Variants in EML4 observed in about 807,000 individuals in gnomAD.
EML4 encodes the protein EMAP like 4.
Under a neutral mutation model 129.0 loss-of-function variants are expected in EML4, and 72 were observed. The observed-to-expected ratio is 0.56, with a 90% CI of 0.46 to 0.68. The LOEUF (loss-of-function observed/expected upper bound fraction) is 0.68, where lower values mean the gene tolerates loss of function less well. Ranked by LOEUF, EML4 falls within the 30% of genes least tolerant of loss-of-function variation. The pLI, the probability that EML4 is intolerant of heterozygous loss-of-function variation, is 0.00. For missense variants in EML4, 1,363 were observed against 1,190.6 expected (o/e 1.14, Z -2.13); for synonymous variants, 532 against 405.0 (o/e 1.31, Z -3.77).
intron 1 of EML4, among the ~76,000 whole-genome samples, chr2:42,197,342 G>A (rs1268368152): frequency 6.6e-6 from 1 of 152,006 alleles, no homozygotes; most frequent in African/African-American, 2.4e-5. Flanking sequence ...GGGTTTACAC[G>A]CATGAGCCAC....
At chr2:42,240,591 T>C (rs1674960752) in intron 1 of EML4, among the ~76,000 whole-genome samples, 1 of 152,250 alleles carries the variant, frequency 6.6e-6, no homozygotes, top group African/African-American at 2.4e-5. Flanking sequence ...TCTGTTATTT[T>C]AAATTATTCC....
intron 1 of EML4, among the ~76,000 whole-genome samples, chr2:42,203,402 A>C (rs866752064): frequency 5.3e-5 from 8 of 152,154 alleles, no homozygotes; most frequent in African/African-American, 1.4e-4. Flanking sequence ...TCTATGATAG[A>C]GTTTTTCTGA....
intron 6 of EML4, among the ~76,000 whole-genome samples, chr2:42,272,688 T>A (rs959313868): frequency 3.3e-5 from 5 of 152,314 alleles, no homozygotes; most frequent in Middle Eastern, 3.4e-3. Flanking sequence ...TAGATTTTTT[T>A]TAAAAAGTAT....
At chr2:42,208,623 C>T (rs150970285) in intron 1 of EML4, among the ~76,000 whole-genome samples, 1,570 of 151,754 alleles carry the variant, frequency 0.01, 29 homozygotes, top group African/African-American at 0.035. Context: ...TTAGTAGAGA[C>T]GGGGTTTCAC....
At chr2:42,169,825 T>C in intron 1 of EML4, 189 bp downstream of exon 1, 2 of 528,846 alleles carry the variant, frequency 3.8e-6, no homozygotes, top group Admixed American at 4.0e-5. Flanking sequence ...CATGTCCAAC[T>C]CTCCTCTGTG....
chr2:42,245,823 T>C, intron 2 of EML4, 136 bp downstream of exon 2: 1 of 815,276 alleles, frequency 1.2e-6, no homozygotes, highest in Non-Finnish European at 1.8e-6. Flanking sequence ...GTTTTTTTAA[T>C]TCCCAAAAAG....
At chr2:42,179,202 A>C (rs894662552) in intron 1 of EML4, among the ~76,000 whole-genome samples, 6 of 151,800 alleles carry the variant, frequency 4.0e-5, no homozygotes, top group African/African-American at 7.3e-5. Flanking sequence ...GAATCTAATC[A>C]TGAGGAAATT....
chr2:42,224,221 C>G (rs983920379), intron 1 of EML4, among the ~76,000 whole-genome samples: 1 of 151,978 alleles, frequency 6.6e-6, no homozygotes, highest in African/African-American at 2.4e-5. Context: ...TCTCCCAATC[C>G]CTATAGTTTT....
intron 1 of EML4, among the ~76,000 whole-genome samples, chr2:42,221,956 G>A (rs956832090): frequency 6.6e-6 from 1 of 151,786 alleles, no homozygotes; most frequent in Non-Finnish European, 1.5e-5. Flanking sequence ...GGGTGGTCTC[G>A]AACTCCTGGG....
At position 42,290,524 on chromosome 2, in the gene EML4, C is replaced by T. The variant is rs367989440; in HGVS notation, c.1218+2202C>T. Among the ~76,000 whole-genome samples, 1,309 of 148,486 alleles carry T rather than the reference C, an allele frequency of 8.8e-3. 19 individuals are homozygous for T. The highest frequency in any genetic ancestry group is 0.043 in the South Asian group (204 of 4,724). On this transcript the variant is annotated intron_variant, in intron 11 of 22. Coordinates refer to ENST00000318522, the MANE Select transcript of EML4 (RefSeq NM_019063.5). ...GGAGGATCACTTGAGTCCAGGAGTT[C>T]GAGACCAGCCTGGGCAAACATAATG... is the stretch of plus-strand genomic sequence containing the variant.
chr2:42,170,323 C>G (rs892924334), intron 1 of EML4: 2 of 152,250 alleles, frequency 1.3e-5, no homozygotes, highest in African/African-American at 2.4e-5. Flanking sequence ...TGTTGGGGGA[C>G]CCTCTTTAAG....
Position 42,280,758 on chromosome 2 carries a change from G to A in EML4, c.668-92G>A, listed in dbSNP as rs1221721678. The stretch of plus-strand genomic sequence containing the variant: ...CTAAAACTTTGAAGTAGTCATTTTT[G>A]TCTTGTTTTTATTGTATCACGTTAA... On this transcript the variant is annotated intron_variant, in intron 6 of 22. Coordinates refer to ENST00000318522, the MANE Select transcript of EML4 (RefSeq NM_019063.5). The A allele has an allele frequency of 3.2e-6, 3 of 951,864 alleles. No individual in the cohort carries two copies. In the East Asian group the frequency reaches 7.9e-5, roughly 25 times the overall value. 59.0% of individuals were successfully genotyped at this position (951,864 alleles called of 1,614,324 possible).
At chr2:42,219,182 C>G (rs982460836) in intron 1 of EML4, among the ~76,000 whole-genome samples, 11 of 152,128 alleles carry the variant, frequency 7.2e-5, no homozygotes, top group African/African-American at 2.7e-4. Flanking sequence ...AAGGAAGAGC[C>G]CCCTTCATAA....
intron 4 of EML4, among the ~76,000 whole-genome samples, chr2:42,262,248 C>T (rs973419516): frequency 6.6e-6 from 1 of 152,118 alleles, no homozygotes; most frequent in African/African-American, 2.4e-5. Context: ...TTCACTTGAT[C>T]GATGCATGTT....
intron 1 of EML4, among the ~76,000 whole-genome samples, chr2:42,225,290 A>G (rs1673883549): frequency 6.6e-6 from 1 of 152,140 alleles, no homozygotes; most frequent in African/African-American, 2.4e-5. Flanking sequence ...TTGCTTTGTC[A>G]TATGGTAATC....
At chr2:42,286,234 C>G (rs759677066) in intron 9 of EML4, 35 bp from the exon 10 acceptor site, 1 of 1,197,680 alleles carries the variant, frequency 8.3e-7, no homozygotes, top group South Asian at 1.2e-5. Flanking sequence ...TTGCATCCAC[C>G]TGTCCAGTTG....
chr2:42,288,221 C>T lies in EML4; in HGVS notation c.1123-6C>T. On this transcript the variant is annotated splice_polypyrimidine_tract_variant and splice_region_variant and intron_variant, in intron 10 of 22. Transcript: ENST00000318522. ...TTTAAAATGCCTCTGATTGACTTTT[C>T]TTTAGGATTCAGGTGTTCATTTATG... is the stretch of plus-strand genomic sequence containing the variant. The T allele has an allele frequency of 7.8e-7, 1 of 1,287,066 alleles. No homozygotes were observed. The highest frequency in any genetic ancestry group is 2.5e-5 in the East Asian group (1 of 40,264). 79.7% of individuals were successfully genotyped at this position (1,287,066 alleles called of 1,614,324 possible).
At chr2:42,181,900 C>T (rs1482841526) in intron 1 of EML4, among the ~76,000 whole-genome samples, 2 of 152,046 alleles carry the variant, frequency 1.3e-5, no homozygotes, top group East Asian at 1.9e-4. Context: ...CTGGAGTCCT[C>T]GTCACAGTAG....
chr2:42,233,992 C>T (rs1030953377), intron 1 of EML4, among the ~76,000 whole-genome samples: 2 of 152,174 alleles, frequency 1.3e-5, no homozygotes, highest in African/African-American at 2.4e-5. Context: ...CAAAGGGCAA[C>T]CAAATAATTT....
Sources: gnomAD v4.1 joint callset for allele counts (sites outside exome capture counted in the v4.1 genomes callset) on GRCh38, gnomAD v4.1.1 for gene constraint, MANE v1.5 for transcripts, NCBI Gene and HGNC (gene_info 2026-07-23, HGNC 2026-07-21) for gene names.